The following SLC44A1 variants were observed in gnomAD, a reference collection of about 807,000 sequenced individuals.
SLC44A1 encodes choline transporter-like protein 1.
Under a neutral mutation model 79.3 loss-of-function variants are expected in SLC44A1, and 26 were observed. That is an observed-to-expected ratio of 0.33 (90% CI 0.24 to 0.46). The LOEUF is 0.46. Among genes scored for constraint, SLC44A1 ranks in the 20% least tolerant of loss-of-function variants. SLC44A1 has a pLI of 1.00. For synonymous variants in SLC44A1, 263 were observed against 286.2 expected (o/e 0.92, Z 0.82); for missense variants, 688 against 798.1 (o/e 0.86, Z 1.66).
chr9:105,380,450 G>A (rs1343627246), intron 13 of SLC44A1, among the ~76,000 whole-genome samples: 5 of 151,984 alleles, frequency 3.3e-5, no homozygotes, highest in African/African-American at 9.7e-5. Context: ...CTGAGTAGCT[G>A]GGACTGTAGG....
At chr9:105,386,564 A>G (rs1209334354) in intron 15 of SLC44A1, 2 of 339,384 alleles carry the variant, frequency 5.9e-6, no homozygotes, top group African/African-American at 4.5e-5. Context: ...CTTTATTAAA[A>G]CATGAGATTT....
chr9:105,389,067 C>A lies in SLC44A1; in HGVS notation c.*11C>A. On this transcript the variant is annotated 3_prime_UTR_variant, in exon 16 of 16. Coordinates refer to ENST00000374720, the MANE Select transcript of SLC44A1 (RefSeq NM_080546.5). ...GCAAGTTCTGCTTGAACCTAGCCGA[C>A]GGTTATGGAAACCCATTGACATTCC... 31 of 1,612,858 alleles carry A rather than the reference C, an allele frequency of 1.9e-5. No homozygotes were observed. The highest frequency in any genetic ancestry group is 2.6e-5 in the Non-Finnish European group (31 of 1,179,130).
chr9:105,294,899 G>A, intron 1 of SLC44A1: 1 of 149,946 alleles, frequency 6.7e-6, no homozygotes. Flanking sequence ...GTGTGTGTGT[G>A]TGTGTGTGTG....
At chr9:105,430,869 C>T (rs1259182268) in intron 15 of SLC44A1, among the ~76,000 whole-genome samples, 1 of 152,082 alleles carries the variant, frequency 6.6e-6, no homozygotes, top group Non-Finnish European at 1.5e-5. Context: ...CAGCAGCTGC[C>T]CCATTTTACA....
downstream of SLC44A1, among the ~76,000 whole-genome samples, chr9:105,401,120 T>G (rs1828952748): frequency 1.3e-5 from 2 of 152,218 alleles, no homozygotes; most frequent in South Asian, 4.1e-4. Flanking sequence ...AAAGATCGGT[T>G]TATTTGGCAA....
At position 105,361,258 on chromosome 9, in the gene SLC44A1, T is replaced by G; in HGVS notation, c.828T>G (p.Pro276=). ...GGTCTCCCAAAGAAACTGTTACTCC[T>G]GAGCAGCTTCAGATAGCTGAAGACA... ...QRRSPKETVT[P]EQLQIAEDNL... The change falls in exon 8 of 16, where the codon CCT becomes CCG. Residue 276 remains proline, a synonymous_variant. Transcript: ENST00000374720. 2 of 1,613,888 alleles carry G rather than the reference T, an allele frequency of 1.2e-6. No individual in the cohort carries two copies. Among genetic ancestry groups the G allele is most frequent in the South Asian group, 1.1e-5 (1 of 91,054 alleles).
intron 15 of SLC44A1, among the ~76,000 whole-genome samples, chr9:105,430,726 A>G (rs1427801095): frequency 2.0e-5 from 3 of 152,222 alleles, no homozygotes; most frequent in East Asian, 3.8e-4. Context: ...TAATGCTGCT[A>G]TGAGCATTCG....
chr9:105,270,964 C>G (rs1225227051), intron 1 of SLC44A1, among the ~76,000 whole-genome samples: 5 of 152,174 alleles, frequency 3.3e-5, no homozygotes, highest in Non-Finnish European at 7.4e-5. Flanking sequence ...AATTAGGTTC[C>G]CTCTTCTAGG....
chr9:105,434,207 A>T (rs1014295810), intron 15 of SLC44A1, among the ~76,000 whole-genome samples: 2 of 151,978 alleles, frequency 1.3e-5, no homozygotes, highest in African/African-American at 4.8e-5. Flanking sequence ...GGGCATGGTC[A>T]TGCATGCCCG....
chr9:105,282,730 G>A (rs1484818642), intron 1 of SLC44A1, among the ~76,000 whole-genome samples: 1 of 152,008 alleles, frequency 6.6e-6, no homozygotes, highest in East Asian at 1.9e-4. Flanking sequence ...TGTATTTTTA[G>A]TAGAGACGGG....
intron 1 of SLC44A1, among the ~76,000 whole-genome samples, chr9:105,280,763 T>C (rs887665902): frequency 6.6e-6 from 1 of 152,056 alleles, no homozygotes; most frequent in Non-Finnish European, 1.5e-5. Context: ...AACAACCAGC[T>C]CTCCAAGTGA....
intron 15 of SLC44A1, among the ~76,000 whole-genome samples, chr9:105,430,618 C>G (rs1485525818): frequency 6.6e-6 from 1 of 152,134 alleles, no homozygotes; most frequent in Non-Finnish European, 1.5e-5. Context: ...CTTTTTATGG[C>G]TGAATAATGT....
intron 5 of SLC44A1, among the ~76,000 whole-genome samples, 194 bp downstream of exon 5, chr9:105,348,645 A>C (rs1225485906): frequency 7.2e-5 from 11 of 152,132 alleles, no homozygotes; most frequent in Non-Finnish European, 4.4e-5. Context: ...ATAGGCAACC[A>C]ACTTTTCTTG....
In SLC44A1 at chr9:105,393,571, C is replaced by T; in HGVS notation, c.*4515C>T. 2 of 925,706 alleles carry T rather than the reference C, an allele frequency of 2.2e-6. No homozygotes were observed. Among genetic ancestry groups the T allele is most frequent in the Non-Finnish European group, 2.6e-6 (2 of 775,624 alleles). The allele number at this position is 925,706 out of a possible 1,614,324, so 57.3% of individuals were successfully genotyped here. ...ATCTTTCTTATAGAAAACTTTAATGCAGTTTTTAAACTTACTGATTTCTGT... is the reference window on the plus strand; with the variant it reads ...ATCTTTCTTATAGAAAACTTTAATGTAGTTTTTAAACTTACTGATTTCTGT... On this transcript the variant is annotated 3_prime_UTR_variant, in exon 16 of 16. Transcript: ENST00000374720.
chr9:105,334,983 T>G (rs1403251350), intron 3 of SLC44A1, among the ~76,000 whole-genome samples: 2 of 152,316 alleles, frequency 1.3e-5, no homozygotes, highest in African/African-American at 4.8e-5. Flanking sequence ...AAAAATCACT[T>G]TATTTTAACA....
intron 3 of SLC44A1, among the ~76,000 whole-genome samples, chr9:105,314,989 T>C (rs1045160859): frequency 5.3e-5 from 8 of 152,236 alleles, no homozygotes; most frequent in African/African-American, 1.9e-4. Flanking sequence ...CCTCAGTCGG[T>C]GCTCTTCGCA....
intron 1 of SLC44A1, among the ~76,000 whole-genome samples, chr9:105,273,015 G>T (rs772607687): frequency 2.0e-5 from 3 of 149,812 alleles, no homozygotes; most frequent in Non-Finnish European, 3.0e-5. Flanking sequence ...TCCTTGAGAT[G>T]AAGTCTTGCT....
chr9:105,380,220 G>A (rs1345112690), intron 13 of SLC44A1, among the ~76,000 whole-genome samples: 3 of 152,188 alleles, frequency 2.0e-5, no homozygotes, highest in Non-Finnish European at 4.4e-5. Flanking sequence ...TACTAATTCC[G>A]TAATTCAAAT....
intron 4 of SLC44A1, among the ~76,000 whole-genome samples, chr9:105,340,586 C>T (rs907219650): frequency 1.3e-5 from 2 of 152,180 alleles, no homozygotes; most frequent in African/African-American, 4.8e-5. Flanking sequence ...AAGAGTCCCA[C>T]TTGAGGTAGT....
Sources: allele counts gnomAD v4.1 joint callset (sites outside exome capture counted in the v4.1 genomes callset), GRCh38; gene constraint gnomAD v4.1.1; transcripts MANE v1.5; gene names NCBI Gene and HGNC (gene_info 2026-07-23, HGNC 2026-07-21).